NFIC: variants seen among roughly 807,000 people sequenced by gnomAD.
The protein encoded by NFIC is nuclear factor I C, also known as nuclear factor 1 C-type.
Under a neutral mutation model 54.4 loss-of-function variants are expected in NFIC, and 12 were observed. The ratio of observed to expected loss-of-function variants is 0.22; its 90% CI spans 0.14 to 0.36. The LOEUF (loss-of-function observed/expected upper bound fraction) is 0.36, where lower values mean the gene tolerates loss of function less well. Among genes scored for constraint, NFIC ranks in the 10% least tolerant of loss-of-function variants. The pLI is 1.00. For missense variants in NFIC, 575 were observed against 718.2 expected, an observed-to-expected ratio of 0.80 and a Z score of 2.28; for synonymous variants, 322 against 319.2, an observed-to-expected ratio of 1.01 and a Z score of -0.09.
Position 3,366,765 on chromosome 19 carries a change from G to A in NFIC, c.30+99G>A, listed in dbSNP as rs542590511. On this transcript the variant is annotated intron_variant, in intron 1 of 10. Transcript: ENST00000443272. ...AGGAGGCGGGACGAAAAAGGCGCGC[G>A]TCCCTCCCGCCATCCCTGCCCGGGA... The A allele has an allele frequency of 1.9e-4, 165 of 861,598 alleles. 2 individuals carry two copies. The highest frequency in any genetic ancestry group is 2.5e-4 in the Non-Finnish European group (156 of 615,430). 53.4% of individuals were successfully genotyped at this position (861,598 alleles called of 1,614,324 possible). A position where few individuals can be genotyped will look rare whatever the true frequency, so the allele number is the denominator to read the frequency against.
chr19:3,372,169 T>C (rs1014961957), intron 1 of NFIC, among the ~76,000 whole-genome samples: 1 of 151,998 alleles, frequency 6.6e-6, no homozygotes, highest in African/African-American at 2.4e-5. Flanking sequence ...TACAGGCACG[T>C]GCCACCACGC....
Position 3,449,074 on chromosome 19 carries a change from C to G in NFIC, c.1019C>G (p.Pro340Arg). Residue 340 changes from proline (P) to arginine (R), a missense_variant, in exon 7 of 11, where the codon CCC (proline) becomes CGC (arginine). Physicochemically the swap from Pro to Arg is moderately radical, Grantham distance 103 (BLOSUM62 -2). Coordinates refer to ENST00000443272, the MANE Select transcript of NFIC (RefSeq NM_001245002.2). ...MDKSPFNSPS[P>R]QDSPRLSSFT... is the part of the protein sequence containing the mutation. ...AAGTCACCATTCAACAGCCCGTCCC[C>G]CCAGGACTCTCCCCGCCTCTCCAGC... 1 of 1,613,744 alleles carries G rather than the reference C, an allele frequency of 6.2e-7. No homozygotes were observed. Among genetic ancestry groups the G allele is most frequent in the Non-Finnish European group, 8.5e-7 (1 of 1,179,858 alleles).
In NFIC at chr19:3,464,841, G is replaced by A; in HGVS notation, c.*2072G>A. On this transcript the variant is annotated 3_prime_UTR_variant, in exon 11 of 11. Transcript: ENST00000443272. ...GGGCCCGCTCCCCCGGTGGCCCTTG[G>A]GGATCAAAGCGTGGGCCGCTCTCCG... 2.3e-6 allele frequency: 1 copy of A among 437,072 alleles called. No homozygotes were observed. Among genetic ancestry groups the A allele is most frequent in the Non-Finnish European group, 3.0e-6 (1 of 329,144 alleles). 27.1% of individuals were successfully genotyped at this position (437,072 alleles called of 1,614,324 possible).
At chr19:3,457,120 C>T (rs552786986) in intron 10 of NFIC, among the ~76,000 whole-genome samples, 9 of 152,282 alleles carry the variant, frequency 5.9e-5, no homozygotes, top group Non-Finnish European at 1.3e-4. Context: ...CCCAGGACAG[C>T]ATCCAAGCCC....
chr19:3,466,049 C>T lies in NFIC; in HGVS notation c.*3280C>T, dbSNP rs1323787186. On this transcript the variant is annotated 3_prime_UTR_variant, in exon 11 of 11. Coordinates refer to ENST00000443272, the MANE Select transcript of NFIC (RefSeq NM_001245002.2). This position sits in a 1 kb window ranked among gnomAD's most constrained non-coding sequence, Gnocchi z 4.8. ...ATCCTGTATGAAACAAAAACAAAAC[C>T]TGATATATGCAATATCTGTCTGTCT... 1.3e-5 allele frequency: 2 copies of T among 152,172 alleles called. No homozygotes were observed. Among genetic ancestry groups the T allele is most frequent in the African/African-American group, 2.4e-5 (1 of 41,422 alleles). The allele number at this position is 152,172 out of a possible 1,614,324, so 9.4% of individuals were successfully genotyped here. A position where few individuals can be genotyped will look rare whatever the true frequency, so the allele number is the denominator to read the frequency against.
upstream of NFIC, chr19:3,366,520 C>CG: frequency 2.1e-6 from 1 of 476,854 alleles, no homozygotes; most frequent in Non-Finnish European, 3.3e-6. Flanking sequence ...GAGGAGAGCG[C>CG]GCCGGCCGCG....
chr19:3,382,089 C>T lies in NFIC; in HGVS notation c.408C>T (p.Ile136=). The change falls in exon 2 of 11, where the codon ATC becomes ATT. Residue 136 remains isoleucine (I), a synonymous_variant. Transcript: ENST00000443272. The part of the protein sequence containing the change: ...KVWRLDLVMV[I]LFKGIPLEST... The stretch of plus-strand genomic sequence containing the variant: ...GGCGGCTGGACCTGGTCATGGTCAT[C>T]CTGTTCAAGGGCATCCCGCTGGAGA... The T allele has an allele frequency of 1.2e-6, 2 of 1,613,254 alleles. No homozygotes were observed. The highest frequency in any genetic ancestry group is 1.7e-6 in the Non-Finnish European group (2 of 1,179,948).
intron 2 of NFIC, among the ~76,000 whole-genome samples, chr19:3,391,991 G>A (rs368966867): frequency 6.6e-6 from 1 of 151,440 alleles, no homozygotes; most frequent in African/African-American, 2.4e-5. Flanking sequence ...TGAGTTTCTT[G>A]CCAGCTCTGT....
intron 2 of NFIC, among the ~76,000 whole-genome samples, chr19:3,403,840 C>G (rs948890259): frequency 6.6e-6 from 1 of 151,924 alleles, no homozygotes; most frequent in African/African-American, 2.4e-5. Context: ...CCCCGCCGCG[C>G]CCGGCTGCCC....
chr19:3,384,532 G>T (rs1045434700), intron 2 of NFIC, among the ~76,000 whole-genome samples: 1 of 152,140 alleles, frequency 6.6e-6, no homozygotes, highest in Non-Finnish European at 1.5e-5. Flanking sequence ...GGGCTTACAG[G>T]TGACTGCCAC....
intron 3 of NFIC, among the ~76,000 whole-genome samples, chr19:3,431,350 T>C (rs1402255870): frequency 6.8e-6 from 1 of 147,850 alleles, no homozygotes; most frequent in Non-Finnish European, 1.5e-5. Context: ...TTCTTTTTCT[T>C]TTCCTTCTTC....
In NFIC at chr19:3,452,530, C is replaced by T. The variant is rs1346461153; in HGVS notation, c.1133C>T (p.Thr378Met). The T allele has an allele frequency of 3.1e-6, 5 of 1,613,500 alleles. No individual in the cohort carries two copies. Among genetic ancestry groups the T allele is most frequent in the Admixed American group, 1.7e-5 (1 of 60,004 alleles). ...HPSSALHFPT[T>M]SILPQTASTY... ...TCCTCCGCTCTGCATTTCCCTACGA[C>T]GTCCATCCTACCCCAGACGGCCTCC... is the stretch of plus-strand genomic sequence containing the variant. Residue 378 changes from threonine to methionine, a missense_variant, in exon 8 of 11, where the codon ACG becomes ATG. Thr to Met is a moderately conservative substitution (Grantham distance 81). Transcript: ENST00000443272. This position sits in a 1 kb window ranked among gnomAD's most constrained non-coding sequence, Gnocchi z 5.3.
chr19:3,385,172 CCCTCCCCCAATTGGCCCCAGCAGGGCACA>C lies in NFIC; in HGVS notation c.562+2932_562+2960del, dbSNP rs2081274776. On this transcript the variant is annotated intron_variant, in intron 2 of 10. Coordinates refer to ENST00000443272, the MANE Select transcript of NFIC (RefSeq NM_001245002.2). Reference sequence around the variant, plus strand: ...CTTCAATTGGCCCCAGCAGGCCACACCCTCCCCCAATTGGCCCCAGCAGGGCACACCCCCCCCCAACCCTCCCACCTGCC... The same window carrying C: ...CTTCAATTGGCCCCAGCAGGCCACACCCCCCCCCCAACCCTCCCACCTGCC... 3.3e-5 allele frequency among the ~76,000 whole-genome samples: 5 copies of C among 149,712 alleles called. No individual in the cohort carries two copies. The South Asian group carries it at 1.1e-3, about 32-fold the overall frequency.
upstream of NFIC, among the ~76,000 whole-genome samples, chr19:3,362,000 C>T (rs990557312): frequency 3.9e-5 from 6 of 152,202 alleles, no homozygotes; most frequent in African/African-American, 1.4e-4. Context: ...GGCAGACACA[C>T]TCACGGACAC....
Position 3,419,921 on chromosome 19 carries a change from A to C in NFIC, c.563-5185A>C, listed in dbSNP as rs551704423. On this transcript the variant is annotated intron_variant, in intron 2 of 10. Coordinates refer to ENST00000443272, the MANE Select transcript of NFIC (RefSeq NM_001245002.2). Reference sequence around the variant, plus strand: ...AAACCCCACAGCTAACCCCGTACTTAGTGGTGAGAGGCTGGATGTTTTCTC... The same window carrying C: ...AAACCCCACAGCTAACCCCGTACTTCGTGGTGAGAGGCTGGATGTTTTCTC... Among the ~76,000 whole-genome samples the C allele has an allele frequency of 2.0e-5, 3 of 152,188 alleles. No homozygotes were observed. The South Asian group carries it at 6.2e-4, about 32-fold the overall frequency.
chr19:3,363,228 T>TGTGCGTGTGTGTGTGTGC (rs1555736601), upstream of NFIC, among the ~76,000 whole-genome samples: 14 of 61,870 alleles, frequency 2.3e-4, no homozygotes, highest in Non-Finnish European at 3.0e-4. Context: ...TGTATATGTA[T>TGTGCGTGTGTGTGTGTGC]GTGTATGTGT....
intron 2 of NFIC, among the ~76,000 whole-genome samples, chr19:3,423,790 C>T (rs1263235685): frequency 2.6e-5 from 4 of 152,130 alleles, no homozygotes; most frequent in Non-Finnish European, 1.5e-5. Context: ...TCAGAGAGAC[C>T]ACCCCTCAGC....
rs537394175 is a variant in NFIC at position 3,445,100 on chromosome 19, T to A, written c.959-3914T>A. Among the ~76,000 whole-genome samples the A allele has an allele frequency of 3.9e-5, 6 of 152,228 alleles. No homozygotes were observed. The South Asian group carries it at 6.2e-4, about 16-fold the overall frequency. On this transcript the variant is annotated intron_variant, in intron 6 of 10. Transcript: ENST00000443272. Reference sequence around the variant, plus strand: ...GTGCACACGTCCACATATGCTCACATGCGTACACACACATGCACAGACATG... The same window carrying A: ...GTGCACACGTCCACATATGCTCACAAGCGTACACACACATGCACAGACATG...
chr19:3,412,988 G>A (rs1371600978), intron 2 of NFIC, among the ~76,000 whole-genome samples: 3 of 152,108 alleles, frequency 2.0e-5, no homozygotes, highest in Middle Eastern at 3.2e-3. Flanking sequence ...CTTTGACAGT[G>A]GACACAGGGG....
Sources: gnomAD v4.1 joint callset for allele counts (sites outside exome capture counted in the v4.1 genomes callset) on GRCh38, gnomAD v4.1.1 for gene constraint, Gnocchi (gnomAD v3.1) non-coding constraint, MANE v1.5 for transcripts, NCBI Gene and HGNC (gene_info 2026-07-23, HGNC 2026-07-21) for gene names.